NTN1: variants seen among roughly 807,000 people sequenced by gnomAD.
NTN1 encodes the protein netrin 1.
NTN1 carries 11 observed loss-of-function variants against 54.2 expected under a neutral mutation model. The observed-to-expected ratio is 0.20, with a 90% CI of 0.13 to 0.34. The LOEUF (loss-of-function observed/expected upper bound fraction) is 0.34. NTN1 is among the 10% of genes least tolerant of loss of function. The pLI, the probability that NTN1 is intolerant of heterozygous loss-of-function variation, is 1.00. For synonymous variants in NTN1, 371 were observed against 382.0 expected, an observed-to-expected ratio of 0.97 and a Z score of 0.33; for missense variants, 740 against 893.1, an observed-to-expected ratio of 0.83 and a Z score of 2.18.
rs781440814 is a variant in NTN1 at position 9,221,925 on chromosome 17, C to T, written c.1486+683C>T. Among the ~76,000 whole-genome samples, 5 of 152,086 alleles carry T rather than the reference C, an allele frequency of 3.3e-5. No homozygotes were observed. Among genetic ancestry groups the T allele is most frequent in the African/African-American group, 7.2e-5 (3 of 41,422 alleles). ...AGGAGGAGGGCCCCGCAGTGGCCAG[C>T]GGGCAGGTGTGTGTGAAGAGCTGGG... On this transcript the variant is annotated intron_variant, in intron 6 of 6. Coordinates refer to ENST00000173229, the MANE Select transcript of NTN1 (RefSeq NM_004822.3). The surrounding 1 kb of genome is among the most constrained non-coding windows in gnomAD (Gnocchi z 4.5).
chr17:9,161,350 C>T (rs2092356465), intron 2 of NTN1, among the ~76,000 whole-genome samples: 1 of 152,070 alleles, frequency 6.6e-6, no homozygotes, highest in African/African-American at 2.4e-5. Context: ...TAGAAACAGA[C>T]CAAAGTTTGG....
At chr17:9,152,222 G>C (rs1026382011) in intron 2 of NTN1, among the ~76,000 whole-genome samples, 1 of 152,156 alleles carries the variant, frequency 6.6e-6, no homozygotes, top group Non-Finnish European at 1.5e-5. Flanking sequence ...TGAAGTGAGC[G>C]AGACCGGGAA....
intron 2 of NTN1, among the ~76,000 whole-genome samples, chr17:9,112,799 C>T (rs2092196843): frequency 8.1e-6 from 1 of 123,380 alleles, no homozygotes; most frequent in Non-Finnish European, 1.7e-5. Flanking sequence ...GCACTCCAGC[C>T]TGGGTGACAG....
At chr17:9,230,227 G>T (rs1223265796) in intron 6 of NTN1, among the ~76,000 whole-genome samples, 1 of 152,166 alleles carries the variant, frequency 6.6e-6, no homozygotes, top group African/African-American at 2.4e-5. Context: ...TGTTAGAGGA[G>T]CACCCTGGGG....
Position 9,072,625 on chromosome 17 carries a change from C to T in NTN1, c.1018+49234C>T, listed in dbSNP as rs368931531. On this transcript the variant is annotated intron_variant, in intron 2 of 6. Coordinates refer to ENST00000173229, the MANE Select transcript of NTN1 (RefSeq NM_004822.3). ...CCTGCATTCTGGGAGAGGAGGCTGT[C>T]GGGTAACCTAAGTTGGGGAATGCAG... Among the ~76,000 whole-genome samples the T allele has an allele frequency of 1.1e-3, 174 of 152,066 alleles. 1 individual carries two copies. The highest frequency in any genetic ancestry group is 3.9e-3 in the African/African-American group (161 of 41,470).
upstream of NTN1, among the ~76,000 whole-genome samples, chr17:9,017,474 C>T (rs543178371): frequency 1.4e-3 from 211 of 152,344 alleles, no homozygotes; most frequent in African/African-American, 4.7e-3. Context: ...TTCCTTGCAA[C>T]GCTCTTACCC....
At chr17:9,094,779 A>T (rs948798008) in intron 2 of NTN1, among the ~76,000 whole-genome samples, 1 of 152,104 alleles carries the variant, frequency 6.6e-6, no homozygotes, top group African/African-American at 2.4e-5. Flanking sequence ...TCACGAGGTC[A>T]GGAGTTTGAG....
At chr17:9,213,089 G>A (rs1214901485) in intron 5 of NTN1, among the ~76,000 whole-genome samples, 2 of 152,202 alleles carry the variant, frequency 1.3e-5, no homozygotes, top group African/African-American at 4.8e-5. Flanking sequence ...TCTTGGCTGT[G>A]GGTCGGTCAG....
At chr17:9,144,414 T>G (rs564584586) in intron 2 of NTN1, among the ~76,000 whole-genome samples, 1 of 152,206 alleles carries the variant, frequency 6.6e-6, no homozygotes, top group East Asian at 1.9e-4. Flanking sequence ...AACTGAGGCA[T>G]AGAGGTGATC....
At chr17:9,011,079 A>G in the NTN1 span, among the ~76,000 whole-genome samples, 1 of 152,116 alleles carries the variant, frequency 6.6e-6, no homozygotes, top group African/African-American at 2.4e-5. Flanking sequence ...AGTTCTCAAC[A>G]GCATTCTTGC....
intron 2 of NTN1, among the ~76,000 whole-genome samples, chr17:9,054,179 G>T (rs1340500829): frequency 6.6e-6 from 1 of 152,224 alleles, no homozygotes; most frequent in Non-Finnish European, 1.5e-5. Context: ...CTAGCAACTG[G>T]GTTAGCATTT....
At chr17:9,223,354 C>G (rs1026930285) in intron 6 of NTN1, among the ~76,000 whole-genome samples, 4 of 152,110 alleles carry the variant, frequency 2.6e-5, no homozygotes, top group African/African-American at 4.8e-5. Flanking sequence ...ATATTTGAGA[C>G]CAGCCTGGCC....
At position 9,212,659 on chromosome 17, in the gene NTN1, G is replaced by A. The variant is rs1905136404; in HGVS notation, c.1412-8509G>A. Among the ~76,000 whole-genome samples, 2 of 152,170 alleles carry A rather than the reference G, an allele frequency of 1.3e-5. No homozygotes were observed. The highest frequency in any genetic ancestry group is 2.4e-5 in the African/African-American group (1 of 41,438). On this transcript the variant is annotated intron_variant, in intron 5 of 6. Coordinates refer to ENST00000173229, the MANE Select transcript of NTN1 (RefSeq NM_004822.3). This position sits in a 1 kb window ranked among gnomAD's most constrained non-coding sequence, Gnocchi z 5.5. Reference sequence around the variant, plus strand: ...TCCTCCCCTACGCCCAGCCCTTGGCGTCTGCAACTTACCCAACCCTTCCAG... The same window carrying A: ...TCCTCCCCTACGCCCAGCCCTTGGCATCTGCAACTTACCCAACCCTTCCAG...
Position 9,179,989 on chromosome 17 carries a change from T to C in NTN1, c.1357+33T>C. Reference sequence around the variant, plus strand: ...TGGGGCACCCTGCTTTTCAAGTCTCTGGCTTTGTGGGGGACAGTGAGCTTT... The same window carrying C: ...TGGGGCACCCTGCTTTTCAAGTCTCCGGCTTTGTGGGGGACAGTGAGCTTT... On this transcript the variant is annotated intron_variant, in intron 4 of 6. Coordinates refer to ENST00000173229, the MANE Select transcript of NTN1 (RefSeq NM_004822.3). 4.4e-6 allele frequency: 7 copies of C among 1,595,974 alleles called. No homozygotes were observed. The South Asian group carries it at 7.9e-5, about 18-fold the overall frequency.
chr17:9,078,919 T>C (rs2092060565), intron 2 of NTN1, among the ~76,000 whole-genome samples: 1 of 152,250 alleles, frequency 6.6e-6, no homozygotes, highest in Non-Finnish European at 1.5e-5. Flanking sequence ...AACCCATTCT[T>C]TGAAGAACAT....
In NTN1 at chr17:9,162,862, C is replaced by T. The variant is rs2092361649; in HGVS notation, c.1068C>T (p.Leu356=). The T allele has an allele frequency of 6.2e-7, 1 of 1,614,120 alleles. No individual in the cohort carries two copies. Among genetic ancestry groups the T allele is most frequent in the Non-Finnish European group, 8.5e-7 (1 of 1,180,022 alleles). ...GGCGCTGCCGCTTCAACATGGAGCT[C>T]TACAAGCTTTCGGGGCGCAAGAGCG... The part of the protein sequence containing the change: ...HARRCRFNME[L]YKLSGRKSGG... Residue 356 remains leucine, a synonymous_variant, in exon 3 of 7, where the codon CTC becomes CTT. Transcript: ENST00000173229.
At chr17:9,176,087 C>T (rs1355230530) in intron 3 of NTN1, 2 of 152,422 alleles carry the variant, frequency 1.3e-5, no homozygotes, top group Non-Finnish European at 2.9e-5. Context: ...CCAGACACCC[C>T]CACCACCTCC....
At chr17:9,118,880 T>C (rs75768811) in intron 2 of NTN1, among the ~76,000 whole-genome samples, 1 of 152,372 alleles carries the variant, frequency 6.6e-6, no homozygotes, top group African/African-American at 2.4e-5. Context: ...ATATATTGCA[T>C]TTTGTGTATT....
chr17:9,218,888 G>T (rs899264342), intron 5 of NTN1, among the ~76,000 whole-genome samples: 2 of 150,230 alleles, frequency 1.3e-5, no homozygotes, highest in African/African-American at 4.9e-5. Flanking sequence ...GGAAATGAAA[G>T]TGCTGGTGTG....
Sources: gnomAD v4.1 joint callset for allele counts (sites outside exome capture counted in the v4.1 genomes callset) on GRCh38, gnomAD v4.1.1 for gene constraint, Gnocchi (gnomAD v3.1) non-coding constraint, MANE v1.5 for transcripts, NCBI Gene and HGNC (gene_info 2026-07-23, HGNC 2026-07-21) for gene names.